Variants in LY96 observed in about 807,000 individuals in gnomAD.
LY96 encodes the protein myeloid differentiation protein-2.
In LY96, 18 loss-of-function variants were observed where a neutral mutation model predicts 18.9. The observed-to-expected ratio is 0.95, with a 90% confidence interval of 0.66 to 1.41. The LOEUF is 1.41. Among genes scored for constraint, LY96 ranks in the 40% most tolerant of loss-of-function variants. The pLI, the probability that LY96 is intolerant of heterozygous loss-of-function variation, is 0.00. For missense variants in LY96, 175 were observed against 182.4 expected (o/e 0.96, Z 0.23); for synonymous variants, 66 against 62.6 (o/e 1.06, Z -0.26).
chr8:74,001,988 C>CTTCCT (rs1816283895), intron 1 of LY96, among the ~76,000 whole-genome samples: 1 of 111,906 alleles, frequency 8.9e-6, no homozygotes, highest in Admixed American at 1.0e-4. Flanking sequence ...CCCTCCCTCC[C>CTTCCT]TCCCTCCTTT....
At chr8:74,036,483 T>G in the LY96 span, among the ~76,000 whole-genome samples, 57 of 152,338 alleles carry the variant, frequency 3.7e-4, no homozygotes, top group African/African-American at 1.3e-3. Context: ...TTTTTTGAGA[T>G]ATTTTTCACA....
At chr8:74,001,512 G>A (rs998624749) in intron 1 of LY96, among the ~76,000 whole-genome samples, 2 of 152,056 alleles carry the variant, frequency 1.3e-5, no homozygotes, top group African/African-American at 4.8e-5. Flanking sequence ...TTACAGGCAT[G>A]AGCCAGCACA....
At chr8:74,097,240 A>G in the LY96 span, among the ~76,000 whole-genome samples, 1 of 152,190 alleles carries the variant, frequency 6.6e-6, no homozygotes, top group Admixed American at 6.5e-5. Flanking sequence ...TTAAGAGCAC[A>G]GGTTACCGTT....
intron 4 of LY96, among the ~76,000 whole-genome samples, chr8:74,027,952 G>A (rs1417622340): frequency 2.0e-5 from 3 of 152,062 alleles, no homozygotes; most frequent in Non-Finnish European, 4.4e-5. Flanking sequence ...AGTAAACTTG[G>A]TTGTGGAAGC....
At chr8:74,075,676 C>T in the LY96 span, among the ~76,000 whole-genome samples, 1 of 152,120 alleles carries the variant, frequency 6.6e-6, no homozygotes, top group Non-Finnish European at 1.5e-5. Context: ...TTGTATTTAT[C>T]TTTAATTTCT....
chr8:73,999,605 G>A (rs1020379263), intron 1 of LY96, among the ~76,000 whole-genome samples: 1 of 152,072 alleles, frequency 6.6e-6, no homozygotes, highest in African/African-American at 2.4e-5. Context: ...ATTTTTGTAG[G>A]TTCATTTTAT....
intron 1 of LY96, among the ~76,000 whole-genome samples, chr8:73,994,911 T>A (rs1462318755): frequency 1.3e-5 from 2 of 152,186 alleles, no homozygotes; most frequent in Admixed American, 1.3e-4. Flanking sequence ...TCTGCATAAT[T>A]GGGTTCTCCT....
the LY96 span, chr8:74,052,210 T>C: frequency 6.6e-6 from 1 of 152,200 alleles, no homozygotes; most frequent in Non-Finnish European, 1.5e-5. Flanking sequence ...TGAGTGTGCA[T>C]GCGGGAGGCC....
chr8:74,096,428 T>C, the LY96 span, among the ~76,000 whole-genome samples: 1 of 152,178 alleles, frequency 6.6e-6, no homozygotes, highest in African/African-American at 2.4e-5. Context: ...CCTTTGCACC[T>C]GTGGTTCTCT....
At chr8:74,011,439 AACAG>A (rs1305211833) in intron 3 of LY96, among the ~76,000 whole-genome samples, 37 of 152,370 alleles carry the variant, frequency 2.4e-4, no homozygotes, top group African/African-American at 8.7e-4. Flanking sequence ...CAACGGAGTG[AACAG>A]ACAACCTGTA....
the LY96 span, among the ~76,000 whole-genome samples, chr8:74,067,074 C>T: frequency 6.6e-6 from 1 of 152,162 alleles, no homozygotes; most frequent in Non-Finnish European, 1.5e-5. Flanking sequence ...TAGCAAGCTG[C>T]AGTTTGGAAA....
At chr8:74,039,729 C>A in the LY96 span, among the ~76,000 whole-genome samples, 1 of 151,966 alleles carries the variant, frequency 6.6e-6, no homozygotes, top group Non-Finnish European at 1.5e-5. Context: ...TAAGAAAGAT[C>A]AAAAACTTTT....
Position 73,991,507 on chromosome 8 carries a change from A to G in LY96, c.65A>G (p.Tyr22Cys). ...ATATTTACTGAAGCTCAGAAGCAGT[A>G]TTGGGTCTGCAACTCATCCGATGCA... ...SSIFTEAQKQ[Y>C]WVCNSSDASI... Residue 22 changes from tyrosine to cysteine, a missense_variant, in exon 1 of 5, where the codon TAT (tyrosine) becomes TGT (cysteine). Coordinates refer to ENST00000284818, the MANE Select transcript of LY96 (RefSeq NM_015364.5). 1 of 1,613,442 alleles carries G rather than the reference A, an allele frequency of 6.2e-7. No homozygotes were observed. Among genetic ancestry groups the G allele is most frequent in the Admixed American group, 1.7e-5 (1 of 60,014 alleles).
chr8:74,075,462 G>A, the LY96 span, among the ~76,000 whole-genome samples: 1 of 152,108 alleles, frequency 6.6e-6, no homozygotes, highest in East Asian at 1.9e-4. Flanking sequence ...GTTGAGACAA[G>A]GTCTTGCTAT....
At chr8:74,090,279 T>C in the LY96 span, among the ~76,000 whole-genome samples, 5 of 152,154 alleles carry the variant, frequency 3.3e-5, no homozygotes, top group African/African-American at 1.2e-4. Flanking sequence ...AGGGGTCATG[T>C]TGGTCTTGTT....
At chr8:74,040,337 A>G in the LY96 span, among the ~76,000 whole-genome samples, 1 of 152,066 alleles carries the variant, frequency 6.6e-6, no homozygotes, top group East Asian at 1.9e-4. Flanking sequence ...GTAATCTTTC[A>G]CCCACAATCC....
At chr8:73,991,614 C>A in intron 1 of LY96, 60 bp downstream of exon 1, 1 of 979,798 alleles carries the variant, frequency 1.0e-6, no homozygotes, top group Non-Finnish European at 1.6e-6. Context: ...TAAGTTTTCA[C>A]GAGAACCGTA....
intron 2 of LY96, among the ~76,000 whole-genome samples, chr8:74,009,249 G>A (rs1816477313): frequency 6.6e-6 from 1 of 151,626 alleles, no homozygotes; most frequent in South Asian, 2.1e-4. Flanking sequence ...ACAAAAATTA[G>A]CTGGGCACGG....
At chr8:74,058,726 G>C in the LY96 span, among the ~76,000 whole-genome samples, 1 of 152,014 alleles carries the variant, frequency 6.6e-6, no homozygotes, top group Non-Finnish European at 1.5e-5. Flanking sequence ...CATCATGTTG[G>C]CCAGGCTGGT....
Sources: allele counts gnomAD v4.1 joint callset (sites outside exome capture counted in the v4.1 genomes callset), GRCh38; gene constraint gnomAD v4.1.1; transcripts MANE v1.5; gene names NCBI Gene and HGNC (gene_info 2026-07-23, HGNC 2026-07-21).